Variants in SAFB2 observed in about 807,000 individuals in gnomAD.
SAFB2 encodes the protein scaffold attachment factor B2.
In SAFB2, 32 loss-of-function variants were observed where a neutral mutation model predicts 100.6. The ratio of observed to expected loss-of-function variants is 0.32; its 90% CI spans 0.24 to 0.43. SAFB2 has a LOEUF of 0.43. Ranked by LOEUF, SAFB2 falls within the 20% of genes least tolerant of loss-of-function variation. The probability of loss-of-function intolerance (pLI) is 1.00; values close to 1 mark genes in which losing one functional copy is unlikely to be tolerated. For missense variants in SAFB2, 1,185 were observed against 1,163.4 expected, an observed-to-expected ratio of 1.02 and a Z score of -0.27; for synonymous variants, 500 against 439.4, an observed-to-expected ratio of 1.14 and a Z score of -1.72.
At position 5,587,277 on chromosome 19, in the gene SAFB2, G is replaced by A. The variant is rs56708650; in HGVS notation, c.2828C>T (p.Pro943Leu). The change falls in exon 21 of 21, where the codon CCC (proline) becomes CTC (leucine). Residue 943 changes from proline to leucine, a missense_variant. By Grantham distance (98) the Pro-to-Leu change is moderately conservative (BLOSUM62 -3). Coordinates refer to ENST00000252542, the MANE Select transcript of SAFB2 (RefSeq NM_014649.3). This position sits in a 1 kb window ranked among gnomAD's most constrained non-coding sequence, Gnocchi z 4.9. ...GSRVPHPHPH[P>L]PPYPHFTRRY ...GCGGGTGAAGTGGGGGTACGGGGGG[G>A]GATGAGGGTGTGGGTGAGGGACTCT... 1.5e-5 allele frequency: 25 copies of A among 1,613,220 alleles called. No homozygotes were observed. The highest frequency in any genetic ancestry group is 1.9e-5 in the Non-Finnish European group (22 of 1,179,802).
chr19:5,616,069 GCAC>G (rs1302570651), intron 4 of SAFB2, 60 bp downstream of exon 4: 1 of 1,487,096 alleles, frequency 6.7e-7, no homozygotes, highest in Non-Finnish European at 9.3e-7. Flanking sequence ...CACACGAGCA[GCAC>G]GCGAGCACCA....
At chr19:5,616,746 G>C (rs1274291340) in intron 2 of SAFB2, among the ~76,000 whole-genome samples, 2 of 147,236 alleles carry the variant, frequency 1.4e-5, no homozygotes, top group East Asian at 4.1e-4. Flanking sequence ...CCACCTCCTG[G>C]GTTCAAGCGA....
Position 5,587,171 on chromosome 19 carries a change from A to G in SAFB2, c.*72T>C. 2 of 1,579,590 alleles carry G rather than the reference A, an allele frequency of 1.3e-6. No homozygotes were observed. Among genetic ancestry groups the G allele is most frequent in the South Asian group, 2.2e-5 (2 of 89,206 alleles). ...TACTTTGCTTTTAAAAAGATCCCCCAAGTTCGAGGGAACCCTGGCTACCAG... is the reference window on the plus strand; with the variant it reads ...TACTTTGCTTTTAAAAAGATCCCCCGAGTTCGAGGGAACCCTGGCTACCAG... On this transcript the variant is annotated 3_prime_UTR_variant, in exon 21 of 21. Coordinates refer to ENST00000252542, the MANE Select transcript of SAFB2 (RefSeq NM_014649.3). This position sits in a 1 kb window ranked among gnomAD's most constrained non-coding sequence, Gnocchi z 4.9.
At chr19:5,593,166 T>C (rs1475773352) in intron 15 of SAFB2, among the ~76,000 whole-genome samples, 3 of 152,144 alleles carry the variant, frequency 2.0e-5, no homozygotes, top group African/African-American at 4.8e-5. Flanking sequence ...ATTACCTTGA[T>C]CCCCCCTCAT....
At chr19:5,617,335 G>T (rs754627073) in intron 2 of SAFB2, among the ~76,000 whole-genome samples, 1 of 151,972 alleles carries the variant, frequency 6.6e-6, no homozygotes, top group South Asian at 2.1e-4. Context: ...CCTGGGTTTT[G>T]TGACCACAAA....
rs755724639 is a variant in SAFB2 at position 5,604,594 on chromosome 19, G to T, written c.1548C>A (p.Ile516=). Residue 516 remains isoleucine (I), a synonymous_variant, in exon 11 of 21, where the codon ATC becomes ATA. Coordinates refer to ENST00000252542, the MANE Select transcript of SAFB2 (RefSeq NM_014649.3). ...AAAATTCACTTTACTTTTCAATTTT[G>T]ATCTCCACAGAATGATGTCTGTCGA... The part of the protein sequence containing the change: ...SSVDRHHSVE[I]KIEKTVIKKE... 8 of 1,613,036 alleles carry T rather than the reference G, an allele frequency of 5.0e-6. No homozygotes were observed. In the South Asian group the frequency reaches 7.7e-5, roughly 16 times the overall value.
chr19:5,617,602 C>CG (rs1180682315), intron 2 of SAFB2, among the ~76,000 whole-genome samples: 1 of 152,064 alleles, frequency 6.6e-6, no homozygotes, highest in Non-Finnish European at 1.5e-5. Flanking sequence ...GGTTCACAAC[C>CG]GGGGGGAATG....
At chr19:5,614,699 T>A (rs1449680961) in intron 4 of SAFB2, among the ~76,000 whole-genome samples, 26 of 152,152 alleles carry the variant, frequency 1.7e-4, no homozygotes, top group Non-Finnish European at 1.5e-4. Flanking sequence ...ACAATGAAGA[T>A]CAGCTCGAAG....
chr19:5,600,970 G>C (rs1052380430), intron 11 of SAFB2, among the ~76,000 whole-genome samples: 4 of 152,048 alleles, frequency 2.6e-5, no homozygotes, highest in Non-Finnish European at 5.9e-5. Context: ...CCAACGACAT[G>C]CCAGGGTCCA....
chr19:5,599,807 G>A (rs927882239), intron 12 of SAFB2, among the ~76,000 whole-genome samples: 1 of 152,086 alleles, frequency 6.6e-6, no homozygotes, highest in African/African-American at 2.4e-5. Flanking sequence ...AATAGCATCA[G>A]GTTAGTTACA....
intron 11 of SAFB2, among the ~76,000 whole-genome samples, chr19:5,603,599 C>A (rs1424129918): frequency 3.3e-5 from 5 of 152,220 alleles, no homozygotes; most frequent in Non-Finnish European, 7.3e-5. Context: ...GAACCTCAGA[C>A]CCATGGTTCC....
At chr19:5,617,290 A>G (rs2053053787) in intron 2 of SAFB2, among the ~76,000 whole-genome samples, 1 of 152,112 alleles carries the variant, frequency 6.6e-6, no homozygotes, top group African/African-American at 2.4e-5. Flanking sequence ...CCCCCAAGGC[A>G]AAAAGGCAAA....
chr19:5,588,837 C>G (rs979481267), intron 18 of SAFB2: 1 of 152,242 alleles, frequency 6.6e-6, no homozygotes, highest in African/African-American at 2.4e-5. Context: ...TGACTGCACA[C>G]GTGAAACGGG....
chr19:5,620,717 TG>T (rs924911110), intron 2 of SAFB2, among the ~76,000 whole-genome samples: 1 of 152,206 alleles, frequency 6.6e-6, no homozygotes, highest in African/African-American at 2.4e-5. Context: ...GTTTCCTTTT[TG>T]GGTGATGAAA....
chr19:5,597,181 C>T (rs1237845745), intron 13 of SAFB2, among the ~76,000 whole-genome samples: 1 of 152,126 alleles, frequency 6.6e-6, no homozygotes, highest in African/African-American at 2.4e-5. Context: ...GCCAGCTTAG[C>T]CACTTACTAG....
At chr19:5,612,288 A>C (rs961655069) in intron 6 of SAFB2, 2 of 539,556 alleles carry the variant, frequency 3.7e-6, no homozygotes, top group Non-Finnish European at 6.5e-6. Flanking sequence ...ATTAAATGCC[A>C]CTCTACGTGG....
At position 5,621,368 on chromosome 19, in the gene SAFB2, T is replaced by A. The variant is rs753871890; in HGVS notation, c.215A>T (p.Asp72Val). 6.2e-7 allele frequency: 1 copy of A among 1,613,768 alleles called. No individual in the cohort carries two copies. The highest frequency in any genetic ancestry group is 8.5e-7 in the Non-Finnish European group (1 of 1,179,644). The part of the protein sequence containing the change: ...KAVKEEGQDP[D>V]EIGIELEATS... Reference sequence around the variant, plus strand: ...GGCTTCTAACTCGATGCCAATTTCATCAGGATCTTGCCCCTCTTCTTTAAC... The same window carrying A: ...GGCTTCTAACTCGATGCCAATTTCAACAGGATCTTGCCCCTCTTCTTTAAC... The change falls in exon 2 of 21, where the codon GAT (aspartate) becomes GTT (valine). Residue 72 changes from aspartate to valine, a missense_variant. By Grantham distance (152) the Asp-to-Val change is radical. Coordinates refer to ENST00000252542, the MANE Select transcript of SAFB2 (RefSeq NM_014649.3).
chr19:5,600,288 G>C (rs2052627904), intron 11 of SAFB2, 28 bp from the exon 12 acceptor site: 1 of 1,607,690 alleles, frequency 6.2e-7, no homozygotes, highest in Non-Finnish European at 8.5e-7. Context: ...TATCAAATTT[G>C]AGTTCACAAG....
Position 5,595,183 on chromosome 19 carries a change from CG to C in SAFB2, c.1919+177del, listed in dbSNP as rs2052980132. ...CTTTCATGCCACCTGGCATGTCTGG[CG>C]GCTCACGTGTGAACAGGTGCTGGCC... On this transcript the variant is annotated intron_variant, in intron 14 of 20. Transcript: ENST00000252542. Among the ~76,000 whole-genome samples the C allele has an allele frequency of 3.9e-5, 6 of 152,258 alleles. No individual in the cohort carries two copies. The South Asian group carries it at 1.2e-3, about 32-fold the overall frequency.
Sources: allele counts gnomAD v4.1 joint callset (sites outside exome capture counted in the v4.1 genomes callset), GRCh38; gene constraint gnomAD v4.1.1; non-coding constraint Gnocchi (gnomAD v3.1); transcripts MANE v1.5; gene names NCBI Gene and HGNC (gene_info 2026-07-23, HGNC 2026-07-21).